Variants in CHRNA2 observed in about 807,000 individuals in gnomAD.
CHRNA2 encodes neuronal acetylcholine receptor subunit alpha-2.
A neutral mutation model predicts 45.5 loss-of-function variants in CHRNA2; 40 were observed. The observed-to-expected ratio is 0.88, with a 90% CI of 0.68 to 1.15. The LOEUF (loss-of-function observed/expected upper bound fraction) is 1.15. Ranked by LOEUF, CHRNA2 falls within the 50% of genes most tolerant of loss-of-function variation. CHRNA2 has a pLI of 0.00. For synonymous variants in CHRNA2, 301 were observed against 296.7 expected, an observed-to-expected ratio of 1.01 and a Z score of -0.15; for missense variants, 655 against 701.7, an observed-to-expected ratio of 0.93 and a Z score of 0.75.
chr8:27,465,344 T>C (rs1012184819), intron 5 of CHRNA2, among the ~76,000 whole-genome samples: 2 of 151,732 alleles, frequency 1.3e-5, no homozygotes, highest in African/African-American at 2.4e-5. Context: ...GGGGCTTTTT[T>C]CCCCCATGGA....
intron 4 of CHRNA2, 139 bp from the exon 5 acceptor site, chr8:27,467,477 G>A (rs2132661966): frequency 3.0e-6 from 2 of 663,842 alleles, no homozygotes; most frequent in East Asian, 5.5e-5. Flanking sequence ...GCCCAGAATA[G>A]TGGAGGGAGC....
At chr8:27,472,408 T>A (rs907382331) in intron 1 of CHRNA2, among the ~76,000 whole-genome samples, 1 of 152,142 alleles carries the variant, frequency 6.6e-6, no homozygotes, top group Non-Finnish European at 1.5e-5. Flanking sequence ...GGTGTCTGAA[T>A]TGAATTAGAA....
intron 6 of CHRNA2, among the ~76,000 whole-genome samples, chr8:27,462,487 ATC>A (rs1259259472): frequency 6.6e-6 from 1 of 152,198 alleles, no homozygotes; most frequent in African/African-American, 2.4e-5. Flanking sequence ...ACAACCAAGA[ATC>A]TGCAGGGTTT....
At chr8:27,466,730 C>T (rs934418507) in intron 5 of CHRNA2, among the ~76,000 whole-genome samples, 1 of 152,090 alleles carries the variant, frequency 6.6e-6, no homozygotes, top group Non-Finnish European at 1.5e-5. Context: ...CTTTAGACTC[C>T]TCTGCCTTCT....
intron 6 of CHRNA2, among the ~76,000 whole-genome samples, chr8:27,462,122 T>C (rs1812512669): frequency 6.6e-6 from 1 of 152,190 alleles, no homozygotes; most frequent in Non-Finnish European, 1.5e-5. Flanking sequence ...CACCAGACTT[T>C]GCTGCTCACA....
intron 4 of CHRNA2, among the ~76,000 whole-genome samples, chr8:27,468,380 C>T (rs1812764653): frequency 6.6e-6 from 1 of 152,224 alleles, no homozygotes; most frequent in Admixed American, 6.5e-5. Context: ...GAGTGACCCC[C>T]TGATAGCTCC....
Position 27,460,049 on chromosome 8 carries a change from C to G in CHRNA2, c.*1580G>C, listed in dbSNP as rs959039907. Reference sequence around the variant, plus strand: ...GGGCGTCACAGCCAGGCTGGTTTCCCCTGAGAGTGTCAGGGAGAGACATTT... The same window carrying G: ...GGGCGTCACAGCCAGGCTGGTTTCCGCTGAGAGTGTCAGGGAGAGACATTT... On this transcript the variant is annotated 3_prime_UTR_variant, in exon 7 of 7. Transcript: ENST00000407991. 3.3e-5 allele frequency: 5 copies of G among 152,608 alleles called. No individual in the cohort carries two copies. The highest frequency in any genetic ancestry group is 4.8e-5 in the African/African-American group (2 of 41,540). The allele number at this position is 152,608 out of a possible 1,614,324, so 9.5% of individuals were successfully genotyped here.
In CHRNA2 at chr8:27,461,576, G is replaced by A; in HGVS notation, c.*53C>T. The stretch of plus-strand genomic sequence containing the variant: ...ACCAGAGGCAGCTGTAGCAGAGACG[G>A]TCAAAAGATGGTCAGCGGGGGTGCC... On this transcript the variant is annotated 3_prime_UTR_variant, in exon 7 of 7. Coordinates refer to ENST00000407991, the MANE Select transcript of CHRNA2 (RefSeq NM_000742.4). 6.2e-7 allele frequency: 1 copy of A among 1,612,580 alleles called. No homozygotes were observed. Among genetic ancestry groups the A allele is most frequent in the Non-Finnish European group, 8.5e-7 (1 of 1,178,848 alleles).
chr8:27,463,976 G>A lies in CHRNA2; in HGVS notation c.467C>T (p.Ala156Val). Residue 156 changes from alanine (A) to valine (V), a missense_variant, in exon 6 of 7, where the codon GCA becomes GTA. By Grantham distance (64) the Ala-to-Val change is moderately conservative (BLOSUM62 0). Transcript: ENST00000407991. This position sits in a 1 kb window ranked among gnomAD's most constrained non-coding sequence, Gnocchi z 6.1. ...VLYNNADGEF[A>V]VTHMTKAHLF... Reference sequence around the variant, plus strand: ...GTGGGCCTTGGTCATGTGGGTCACTGCAAACTCCCCATCTGCACTGAGAAG... The same window carrying A: ...GTGGGCCTTGGTCATGTGGGTCACTACAAACTCCCCATCTGCACTGAGAAG... The A allele has an allele frequency of 6.2e-7, 1 of 1,614,158 alleles. No individual in the cohort carries two copies. Among genetic ancestry groups the A allele is most frequent in the Non-Finnish European group, 8.5e-7 (1 of 1,180,026 alleles).
intron 5 of CHRNA2, among the ~76,000 whole-genome samples, chr8:27,464,554 G>C (rs964876460): frequency 1.4e-4 from 21 of 152,204 alleles, no homozygotes; most frequent in Admixed American, 4.6e-4. Flanking sequence ...GTGGCCAGGT[G>C]CTTGCTGCTG....
At position 27,463,190 on chromosome 8, in the gene CHRNA2, TCCA is replaced by T; in HGVS notation, c.1250_1252del (p.Val417del). 1.3e-6 allele frequency: 2 copies of T among 1,591,128 alleles called. No homozygotes were observed. The highest frequency in any genetic ancestry group is 1.7e-6 in the Non-Finnish European group (2 of 1,165,308). On this transcript the variant is annotated inframe_deletion, in exon 6 of 7. Coordinates refer to ENST00000407991, the MANE Select transcript of CHRNA2 (RefSeq NM_000742.4). This position sits in a 1 kb window ranked among gnomAD's most constrained non-coding sequence, Gnocchi z 6.1. ...TGCACATGCCCATCTGTCCTCCTCCTCCACCACCACCTCCCTCTCCTCGGCATC... is the reference window on the plus strand; with the variant it reads ...TGCACATGCCCATCTGTCCTCCTCCTCCACCACCTCCCTCTCCTCGGCATC...
At chr8:27,477,869 C>T (rs920624668) in intron 1 of CHRNA2, among the ~76,000 whole-genome samples, 1 of 152,064 alleles carries the variant, frequency 6.6e-6, no homozygotes, top group Non-Finnish European at 1.5e-5. Context: ...ACATCAGTGT[C>T]CCCACTGGGC....
intron 1 of CHRNA2, among the ~76,000 whole-genome samples, chr8:27,475,028 G>A (rs934034997): frequency 2.6e-5 from 4 of 152,220 alleles, no homozygotes; most frequent in Non-Finnish European, 4.4e-5. Flanking sequence ...TAGATCACCT[G>A]TGTTATCTCT....
intron 5 of CHRNA2, 40 bp from the exon 6 acceptor site, chr8:27,464,033 C>T (rs1812620726): frequency 6.2e-7 from 1 of 1,609,986 alleles, no homozygotes; most frequent in Non-Finnish European, 8.5e-7. Flanking sequence ...CCTGCACACC[C>T]ACCTGCCTGA....
intron 1 of CHRNA2, among the ~76,000 whole-genome samples, chr8:27,477,936 C>G (rs957717971): frequency 1.3e-5 from 2 of 152,188 alleles, no homozygotes; most frequent in Admixed American, 1.3e-4. Context: ...CCCCCACACT[C>G]ACTGCAGCAT....
chr8:27,474,091 G>T (rs1812987273), intron 1 of CHRNA2, among the ~76,000 whole-genome samples: 1 of 152,180 alleles, frequency 6.6e-6, no homozygotes, highest in South Asian at 2.1e-4. Flanking sequence ...GCCCATGAAA[G>T]TCCCCGGGGA....
chr8:27,467,625 A>G, intron 4 of CHRNA2: 1 of 411,660 alleles, frequency 2.4e-6, no homozygotes, highest in Non-Finnish European at 4.5e-6. Flanking sequence ...TGGCTGGACG[A>G]CCTTGGTGGG....
intron 6 of CHRNA2, 71 bp from the exon 7 acceptor site, chr8:27,461,825 C>T: frequency 6.2e-7 from 1 of 1,609,744 alleles, no homozygotes; most frequent in Non-Finnish European, 8.5e-7. Flanking sequence ...CATTCACAGC[C>T]CCTGCACAGG....
Position 27,461,541 on chromosome 8 carries a change from C to T in CHRNA2, c.*88G>A. On this transcript the variant is annotated 3_prime_UTR_variant, in exon 7 of 7. Coordinates refer to ENST00000407991, the MANE Select transcript of CHRNA2 (RefSeq NM_000742.4). ...TCCGCGGAGAGGCACCTGCTCATCCCAAAGGGGACACCAGAGGCAGCTGTA... is the reference window on the plus strand; with the variant it reads ...TCCGCGGAGAGGCACCTGCTCATCCTAAAGGGGACACCAGAGGCAGCTGTA... 3 of 1,593,306 alleles carry T rather than the reference C, an allele frequency of 1.9e-6. No homozygotes were observed. The highest frequency in any genetic ancestry group is 2.6e-6 in the Non-Finnish European group (3 of 1,164,156).
Sources: allele counts gnomAD v4.1 joint callset (sites outside exome capture counted in the v4.1 genomes callset), GRCh38; gene constraint gnomAD v4.1.1; non-coding constraint Gnocchi (gnomAD v3.1); transcripts MANE v1.5; gene names NCBI Gene and HGNC (gene_info 2026-07-23, HGNC 2026-07-21).